RBM41: variants seen among roughly 807,000 people sequenced by gnomAD.
RBM41 encodes the protein RNA-binding protein 41.
A neutral mutation model predicts 30.8 loss-of-function variants in RBM41; 14 were observed. The ratio of observed to expected loss-of-function variants is 0.45; its 90% confidence interval spans 0.30 to 0.71. RBM41 has a LOEUF of 0.71. Ranked by LOEUF, RBM41 falls within the 30% of genes least tolerant of loss-of-function variation. The pLI is 0.08. For missense variants in RBM41, 276 were observed against 326.3 expected (o/e 0.85, Z 1.19); for synonymous variants, 120 against 110.1 (o/e 1.09, Z -0.56).
At chrX:107,056,978 C>T (rs1935595548), downstream of RBM41, among the ~76,000 whole-genome samples, 1 of 109,082 alleles carries the variant, frequency 9.2e-6, no homozygotes, top group African/African-American at 3.3e-5. Context: ...TGTGATTCTC[C>T]CACCTCAGCC....
At position 107,062,144 on chromosome X, in the gene RBM41, T is replaced by C. The variant is rs1485741876; in HGVS notation, c.*5383A>G. 8.9e-6 allele frequency among the ~76,000 whole-genome samples: 1 copy of C among 112,244 alleles called. No homozygotes were observed. Among genetic ancestry groups the C allele is most frequent in the African/African-American group, 3.2e-5 (1 of 30,892 alleles). On this transcript the variant is annotated 3_prime_UTR_variant, in exon 8 of 8. Transcript: ENST00000685964. ...TGTTTTGCTTTTTGAGAAAATAATA[T>C]GAATGGAATCAAACAGTAAGCAGCC...
chrX:107,081,976 A>G (rs965014157), intron 6 of RBM41, among the ~76,000 whole-genome samples: 1 of 111,384 alleles, frequency 9.0e-6, no homozygotes, highest in Non-Finnish European at 1.9e-5. Flanking sequence ...AGAGAGTTTT[A>G]TTTTTTCCTT....
At chrX:107,089,118 T>C (rs1922301038) in intron 5 of RBM41, among the ~76,000 whole-genome samples, 1 of 111,615 alleles carries the variant, frequency 9.0e-6, no homozygotes, top group African/African-American at 3.2e-5. Context: ...ATAAGCAATA[T>C]AGCATTATAC....
chrX:107,112,860 T>C (rs2147756130), intron 5 of RBM41: 1 of 329,709 alleles, frequency 3.0e-6, no homozygotes, highest in East Asian at 9.7e-5. Flanking sequence ...AGTCAGTGAT[T>C]GTCAGGAATT....
intron 6 of RBM41, among the ~76,000 whole-genome samples, chrX:107,072,598 C>T (rs1285022034): frequency 9.1e-6 from 1 of 110,122 alleles, no homozygotes; most frequent in African/African-American, 3.3e-5. Flanking sequence ...TAATGCAATC[C>T]CTATCAAAAT....
At chrX:107,070,381 C>T (rs1036209137) in intron 6 of RBM41, 11 of 325,998 alleles carry the variant, frequency 3.4e-5, no homozygotes, top group East Asian at 2.9e-4. Flanking sequence ...GTAGTACCCT[C>T]GTAAGAAAGA....
intron 5 of RBM41, among the ~76,000 whole-genome samples, chrX:107,094,152 T>C (rs1029104089): frequency 1.8e-5 from 2 of 111,959 alleles, no homozygotes; most frequent in Non-Finnish European, 3.8e-5. Flanking sequence ...GAAATAATAC[T>C]AATCCTGCAG....
At chrX:107,085,635 T>A (rs984395395) in intron 6 of RBM41, among the ~76,000 whole-genome samples, 6 of 111,930 alleles carry the variant, frequency 5.4e-5, no homozygotes, top group Non-Finnish European at 1.1e-4. Context: ...AATGTATATA[T>A]CATAGTATAG....
At chrX:107,113,275 G>A (rs1434708329) in intron 5 of RBM41, 122 bp downstream of exon 5, 2 of 818,425 alleles carry the variant, frequency 2.4e-6, no homozygotes, top group African/African-American at 4.3e-5. Context: ...AGGATAATAT[G>A]CTCCCTCTGG....
downstream of RBM41, among the ~76,000 whole-genome samples, chrX:107,057,881 T>A (rs1302684837): frequency 9.0e-6 from 1 of 111,687 alleles, no homozygotes; most frequent in African/African-American, 3.3e-5. Context: ...CAAAAAAAAC[T>A]GTGATTTTAA....
At position 107,113,619 on chromosome X, in the gene RBM41, C is replaced by T. The variant is rs144921239; in HGVS notation, c.524-151G>A. Among the ~76,000 whole-genome samples, 38 of 111,819 alleles carry T rather than the reference C, an allele frequency of 3.4e-4. No homozygotes were observed. In the East Asian group the frequency reaches 8.5e-3, roughly 25 times the overall value. On this transcript the variant is annotated intron_variant, in intron 4 of 7. Coordinates refer to ENST00000685964, the MANE Select transcript of RBM41 (RefSeq NM_001324242.2). ...TCTTAGTAACCCTGTAACATAGCTA[C>T]TATTAATATTCTCATTTTACAGATG...
chrX:107,062,969 G>T lies in RBM41; in HGVS notation c.*4558C>A, dbSNP rs1935694078. On this transcript the variant is annotated 3_prime_UTR_variant, in exon 8 of 8. Coordinates refer to ENST00000685964, the MANE Select transcript of RBM41 (RefSeq NM_001324242.2). ...ACTATTTTAATGGCTGCATAGTATT[G>T]TACTAAATAGATGTACCATAAGTTA... Among the ~76,000 whole-genome samples, 1 of 111,274 alleles carries T rather than the reference G, an allele frequency of 9.0e-6. No individual in the cohort carries two copies. Among genetic ancestry groups the T allele is most frequent in the African/African-American group, 3.3e-5 (1 of 30,606 alleles).
Position 107,115,991 on chromosome X carries a change from T to C in RBM41, c.189A>G (p.Ala63=), listed in dbSNP as rs1237531161. The C allele has an allele frequency of 8.3e-7, 1 of 1,209,615 alleles. No homozygotes were observed. Among genetic ancestry groups the C allele is most frequent in the Non-Finnish European group, 1.1e-6 (1 of 894,386 alleles). The change falls in exon 3 of 8, where the codon GCA becomes GCG. Residue 63 remains alanine (A), a synonymous_variant. Transcript: ENST00000685964. ...GTMYKPFGKE[A]AGTMTLSQFQ... is the part of the protein sequence containing the mutation. ...ATTGGGACAAAGTCATAGTCCCAGCTGCTTCCTTCCCAAAGGGCTTGTACA... is the reference window on the plus strand; with the variant it reads ...ATTGGGACAAAGTCATAGTCCCAGCCGCTTCCTTCCCAAAGGGCTTGTACA...
At position 107,118,744 on chromosome X, in the gene RBM41, T is replaced by C. The variant is rs760024952; in HGVS notation, c.8+22A>G. 3 of 1,211,706 alleles carry C rather than the reference T, an allele frequency of 2.5e-6. No homozygotes were observed. In the South Asian group the frequency reaches 5.3e-5, roughly 21 times the overall value. The stretch of plus-strand genomic sequence containing the variant: ...GTAGAACAAAGCTCCCCTTGCCGCC[T>C]GCTCTTCAGACAAGTCCTTACCTCT... On this transcript the variant is annotated intron_variant, in intron 1 of 7. Coordinates refer to ENST00000685964, the MANE Select transcript of RBM41 (RefSeq NM_001324242.2).
chrX:107,115,640 C>A, intron 3 of RBM41, 84 bp from the exon 4 acceptor site: 2 of 949,570 alleles, frequency 2.1e-6, no homozygotes, highest in Non-Finnish European at 2.9e-6. Flanking sequence ...AAAAAGATGA[C>A]CTAGGCCCAG....
Position 107,116,008 on chromosome X carries a change from G to A in RBM41, c.172C>T (p.Pro58Ser), listed in dbSNP as rs767198119. 4 of 1,200,622 alleles carry A rather than the reference G, an allele frequency of 3.3e-6. No homozygotes were observed. The Admixed American group carries it at 8.9e-5, about 27-fold the overall frequency. ...ESFAPGTMYKPFGKEAAGTMT... is the reference protein window; with the variant it reads ...ESFAPGTMYKSFGKEAAGTMT... ...GTCCCAGCTGCTTCCTTCCCAAAGG[G>A]CTTGTACATAGTACCAGGAGCAAAG... is the stretch of plus-strand genomic sequence containing the variant. Residue 58 changes from proline to serine, a missense_variant, in exon 3 of 8, where the codon CCC becomes TCC. Coordinates refer to ENST00000685964, the MANE Select transcript of RBM41 (RefSeq NM_001324242.2).
chrX:107,118,404 G>C (rs1191800425), intron 1 of RBM41, among the ~76,000 whole-genome samples: 1 of 111,486 alleles, frequency 9.0e-6, no homozygotes, highest in Non-Finnish European at 1.9e-5. Context: ...AGGGGAGAAC[G>C]GCGAGGGGCT....
At chrX:107,094,565 C>G (rs181825432) in intron 5 of RBM41, among the ~76,000 whole-genome samples, 1 of 112,072 alleles carries the variant, frequency 8.9e-6, no homozygotes, top group East Asian at 2.8e-4. Context: ...ATAATGGCCC[C>G]CCAAAGATGT....
At chrX:107,080,957 A>T (rs1921468892) in intron 6 of RBM41, among the ~76,000 whole-genome samples, 1 of 111,739 alleles carries the variant, frequency 8.9e-6, no homozygotes, top group South Asian at 3.7e-4. Flanking sequence ...ATATTTTTCT[A>T]GTCTGTGGCT....
Sources: gnomAD v4.1 joint callset for allele counts (sites outside exome capture counted in the v4.1 genomes callset) on GRCh38, gnomAD v4.1.1 for gene constraint, MANE v1.5 for transcripts, NCBI Gene and HGNC (gene_info 2026-07-23, HGNC 2026-07-21) for gene names.